MAP3K8: variants seen among roughly 807,000 people sequenced by gnomAD.
The protein encoded by MAP3K8 is Ewing sarcoma transformant.
Under a neutral mutation model 45.8 loss-of-function variants are expected in MAP3K8, and 22 were observed. The observed-to-expected ratio is 0.48, with a 90% CI of 0.34 to 0.69. The LOEUF (loss-of-function observed/expected upper bound fraction) is 0.69. Among genes scored for constraint, MAP3K8 ranks in the 30% least tolerant of loss-of-function variants. The pLI is 0.01. For synonymous variants in MAP3K8, 223 were observed against 214.3 expected, an observed-to-expected ratio of 1.04 and a Z score of -0.36; for missense variants, 419 against 585.0, an observed-to-expected ratio of 0.72 and a Z score of 2.93.
In MAP3K8 at chr10:30,447,614, A is replaced by G. The variant is rs111607348; in HGVS notation, c.337-168A>G. Among the ~76,000 whole-genome samples, 357 of 152,288 alleles carry G rather than the reference A, an allele frequency of 2.3e-3. 1 individual carries two copies. The highest frequency in any genetic ancestry group is 3.8e-3 in the Non-Finnish European group (258 of 68,016). On this transcript the variant is annotated intron_variant, in intron 3 of 8. Coordinates refer to ENST00000263056, the MANE Select transcript of MAP3K8 (RefSeq NM_005204.4). ...TTACATGCTCTCTCTGACTTCCTCA[A>G]GCTCTAAATATAGTCTCTGTACAGT...
intron 3 of MAP3K8, among the ~76,000 whole-genome samples, chr10:30,443,197 G>T (rs1367911844): frequency 6.7e-6 from 1 of 148,578 alleles, no homozygotes; most frequent in African/African-American, 2.6e-5. Context: ...GATTGGCTGT[G>T]TGACCCTGGG....
intron 3 of MAP3K8, chr10:30,439,485 T>C (rs867197687): frequency 9.2e-7 from 1 of 1,082,858 alleles, no homozygotes; most frequent in Non-Finnish European, 1.3e-6. Flanking sequence ...GATCATATTT[T>C]AGTAGTATTT....
At position 30,434,571 on chromosome 10, in the gene MAP3K8, C is replaced by A. The variant is rs1835849869; in HGVS notation, c.-255+193C>A. On this transcript the variant is annotated intron_variant, in intron 1 of 8. Transcript: ENST00000263056. ...CCAGGCACAGCTGGAAAGCACCTTG[C>A]GCAAGGGTCTCACGGGGTGCAGACT... 3 of 985,810 alleles carry A rather than the reference C, an allele frequency of 3.0e-6. No individual in the cohort carries two copies. In the South Asian group the frequency reaches 1.4e-4, roughly 46 times the overall value. 61.1% of individuals were successfully genotyped at this position (985,810 alleles called of 1,614,324 possible). A position where few individuals can be genotyped will look rare whatever the true frequency, so the allele number is the denominator to read the frequency against.
At chr10:30,435,952 T>C (rs1835897387) in intron 1 of MAP3K8, among the ~76,000 whole-genome samples, 1 of 152,270 alleles carries the variant, frequency 6.6e-6, no homozygotes, top group South Asian at 2.1e-4. Flanking sequence ...CAGGAAACAC[T>C]CACATTTTGT....
At chr10:30,442,056 A>G (rs1180790564) in intron 3 of MAP3K8, among the ~76,000 whole-genome samples, 2 of 152,218 alleles carry the variant, frequency 1.3e-5, no homozygotes, top group African/African-American at 2.4e-5. Context: ...CTTTCATTCA[A>G]GTATTTACCT....
intron 6 of MAP3K8, among the ~76,000 whole-genome samples, chr10:30,453,425 G>A (rs968348838): frequency 6.6e-6 from 1 of 152,090 alleles, no homozygotes; most frequent in African/African-American, 2.4e-5. Context: ...ATGTAAAACA[G>A]CACTCATGTT....
chr10:30,439,927 T>A (rs1836044211), intron 3 of MAP3K8, among the ~76,000 whole-genome samples: 1 of 152,256 alleles, frequency 6.6e-6, no homozygotes, highest in Non-Finnish European at 1.5e-5. Flanking sequence ...ATAAACACTT[T>A]GTCACTAATT....
chr10:30,456,537 C>G (rs145675736), intron 6 of MAP3K8, among the ~76,000 whole-genome samples: 15 of 152,262 alleles, frequency 9.9e-5, no homozygotes, highest in African/African-American at 3.4e-4. Flanking sequence ...TCCGGAAACA[C>G]TGACCTCCAT....
At chr10:30,436,204 A>G (rs952979690) in intron 1 of MAP3K8, among the ~76,000 whole-genome samples, 3 of 152,232 alleles carry the variant, frequency 2.0e-5, no homozygotes, top group Non-Finnish European at 1.5e-5. Context: ...CTTTATTGCC[A>G]AACTAGAATA....
At chr10:30,442,032 T>C (rs933200015) in intron 3 of MAP3K8, among the ~76,000 whole-genome samples, 33 of 152,222 alleles carry the variant, frequency 2.2e-4, no homozygotes, top group African/African-American at 7.7e-4. Flanking sequence ...TGTATCTACA[T>C]AGGGATGGGG....
chr10:30,441,973 T>G (rs1836125440), intron 3 of MAP3K8, among the ~76,000 whole-genome samples: 1 of 152,238 alleles, frequency 6.6e-6, no homozygotes, highest in Admixed American at 6.5e-5. Flanking sequence ...ACTCTCAGCT[T>G]TAGGAAAATA....
chr10:30,435,622 G>A (rs1048838459), intron 1 of MAP3K8, among the ~76,000 whole-genome samples: 2 of 152,098 alleles, frequency 1.3e-5, no homozygotes, highest in Non-Finnish European at 1.5e-5. Context: ...GCGCGATCTC[G>A]GCTCACTGCA....
intron 6 of MAP3K8, among the ~76,000 whole-genome samples, chr10:30,453,627 G>A (rs562006722): frequency 5.3e-5 from 8 of 152,308 alleles, no homozygotes; most frequent in Non-Finnish European, 1.0e-4. Flanking sequence ...GAGCACCAAC[G>A]AGGAAGCATG....
chr10:30,457,437 A>G (rs916590649), intron 6 of MAP3K8, among the ~76,000 whole-genome samples: 3 of 152,194 alleles, frequency 2.0e-5, no homozygotes. Context: ...ATCATTGCAG[A>G]TATTTAGAAG....
At position 30,458,080 on chromosome 10, in the gene MAP3K8, T is replaced by C; in HGVS notation, c.874-4T>C. On this transcript the variant is annotated splice_region_variant and splice_polypyrimidine_tract_variant and intron_variant, in intron 6 of 8. Coordinates refer to ENST00000263056, the MANE Select transcript of MAP3K8 (RefSeq NM_005204.4). ...AAGCTGAATGTTTCCCACTTCTTTT[T>C]CAGATTTACATGAGCCCAGAGGTCA... is the stretch of plus-strand genomic sequence containing the variant. 1 of 1,475,408 alleles carries C rather than the reference T, an allele frequency of 6.8e-7. No individual in the cohort carries two copies. The highest frequency in any genetic ancestry group is 1.4e-5 in the South Asian group (1 of 73,042). The allele number at this position is 1,475,408 out of a possible 1,614,324, so 91.4% of individuals were successfully genotyped here.
rs1360987822 is a variant in MAP3K8, at chr10:30,450,386, G to A, written c.633G>A (p.Glu211=). The part of the protein sequence containing the change: ...ETVHLFMEAG[E]GGSVLEKLES... ...TCCATCTCTTTATGGAAGCAGGCGA[G>A]GGAGGGTCTGTTCTGGAGAAACTGG... Residue 211 remains glutamate (E), a synonymous_variant, in exon 5 of 9, where the codon GAG becomes GAA. Transcript: ENST00000263056. 1 of 1,614,154 alleles carries A rather than the reference G, an allele frequency of 6.2e-7. No homozygotes were observed. Among genetic ancestry groups the A allele is most frequent in the Admixed American group, 1.7e-5 (1 of 60,014 alleles).
intron 6 of MAP3K8, among the ~76,000 whole-genome samples, chr10:30,452,057 G>A (rs539373981): frequency 6.6e-6 from 1 of 152,232 alleles, no homozygotes; most frequent in South Asian, 2.1e-4. Context: ...ACATTGGCCA[G>A]GTGTGGTGGC....
In MAP3K8 at chr10:30,458,092, G is replaced by A. The variant is rs767492585; in HGVS notation, c.882G>A (p.Met294Ile). 3 of 1,506,546 alleles carry A rather than the reference G, an allele frequency of 2.0e-6. No individual in the cohort carries two copies. Among genetic ancestry groups the A allele is most frequent in the East Asian group, 5.0e-5 (2 of 39,708 alleles). 93.3% of individuals were successfully genotyped at this position (1,506,546 alleles called of 1,614,324 possible). A position where few individuals can be genotyped will look rare whatever the true frequency, so the allele number is the denominator to read the frequency against. The stretch of plus-strand genomic sequence containing the variant: ...TCCCACTTCTTTTTCAGATTTACAT[G>A]AGCCCAGAGGTCATCCTGTGCAGGG... ...PKDLRGTEIY[M>I]SPEVILCRGH... Residue 294 changes from methionine to isoleucine, a missense_variant, in exon 7 of 9, where the codon ATG becomes ATA. Transcript: ENST00000263056.
In MAP3K8 at chr10:30,453,947, G is replaced by A. The variant is rs556547253; in HGVS notation, c.873+2203G>A. ...AGGAAGGAAGGAAGGAAGGAAGGAA[G>A]GAAGGAAGGAGAAAGAAAAAGGAAG... is the stretch of plus-strand genomic sequence containing the variant. On this transcript the variant is annotated intron_variant, in intron 6 of 8. Transcript: ENST00000263056. Among the ~76,000 whole-genome samples the A allele has an allele frequency of 2.3e-3, 341 of 147,158 alleles. 1 individual carries two copies. Among genetic ancestry groups the A allele is most frequent in the African/African-American group, 7.9e-3 (318 of 40,004 alleles).
Sources: allele counts gnomAD v4.1 joint callset (sites outside exome capture counted in the v4.1 genomes callset), GRCh38; gene constraint gnomAD v4.1.1; transcripts MANE v1.5; gene names NCBI Gene and HGNC (gene_info 2026-07-23, HGNC 2026-07-21).